The following SENP7 variants were observed in gnomAD, a reference collection of about 807,000 sequenced individuals.
SENP7 encodes SUMO specific peptidase 7, also known as sentrin-specific protease 7.
Under a neutral mutation model 141.2 loss-of-function variants are expected in SENP7, and 64 were observed. The ratio of observed to expected loss-of-function variants is 0.45; its 90% confidence interval spans 0.37 to 0.56. The LOEUF is 0.56. SENP7 is among the 20% of genes least tolerant of loss of function. SENP7 has a pLI of 0.00. For synonymous variants in SENP7, 382 were observed against 426.4 expected (o/e 0.90, Z 1.28); for missense variants, 1,025 against 1,212.2 (o/e 0.85, Z 2.29).
At chr3:101,412,681 TAC>T (rs2061489182) in intron 5 of SENP7, among the ~76,000 whole-genome samples, 1 of 152,080 alleles carries the variant, frequency 6.6e-6, no homozygotes, top group East Asian at 1.9e-4. Flanking sequence ...CGATCTCTGG[TAC>T]AAACTGATGA....
In SENP7 at chr3:101,329,019, T is replaced by C. The variant is rs1415388493; in HGVS notation, c.2752-330A>G. Among the ~76,000 whole-genome samples the C allele has an allele frequency of 2.0e-5, 3 of 152,190 alleles. No individual in the cohort carries two copies. The East Asian group carries it at 5.8e-4, about 29-fold the overall frequency. ...ACGTGTCTTTACATACATTCTCCAA[T>C]TTATGATGTCAGTAGAGACACATTT... On this transcript the variant is annotated intron_variant, in intron 20 of 23. Transcript: ENST00000394095.
At chr3:101,479,486 G>C (rs1270798206) in intron 3 of SENP7, among the ~76,000 whole-genome samples, 1 of 151,974 alleles carries the variant, frequency 6.6e-6, no homozygotes, top group Non-Finnish European at 1.5e-5. Context: ...CGTGCCTGTA[G>C]TCCCAGCTAC....
chr3:101,365,358 G>A (rs550783075), intron 9 of SENP7, among the ~76,000 whole-genome samples: 112 of 151,594 alleles, frequency 7.4e-4, no homozygotes, highest in African/African-American at 2.3e-3. Context: ...ACTTTTGGCC[G>A]GGAGCAGTGG....
chr3:101,370,772 C>G (rs1260258431), intron 7 of SENP7, among the ~76,000 whole-genome samples: 1 of 152,060 alleles, frequency 6.6e-6, no homozygotes, highest in Non-Finnish European at 1.5e-5. Flanking sequence ...CTTGTCTGAA[C>G]AAAGTCACAG....
intron 3 of SENP7, among the ~76,000 whole-genome samples, chr3:101,473,520 G>A (rs1452343274): frequency 6.6e-6 from 1 of 152,202 alleles, no homozygotes; most frequent in Non-Finnish European, 1.5e-5. Flanking sequence ...ATTGTTGGCT[G>A]CATGTACGTC....
At chr3:101,361,219 CA>C (rs34712828) in intron 11 of SENP7, among the ~76,000 whole-genome samples, 98 of 145,628 alleles carry the variant, frequency 6.7e-4, no homozygotes, top group Non-Finnish European at 7.1e-4. Context: ...TCCGCCCCCC[CA>C]AAAAAAAAAA....
At chr3:101,454,370 A>G (rs2063271199) in intron 4 of SENP7, among the ~76,000 whole-genome samples, 1 of 151,970 alleles carries the variant, frequency 6.6e-6, no homozygotes, top group Non-Finnish European at 1.5e-5. Context: ...TAATTGGCCA[A>G]GCATGGTGGT....
chr3:101,386,589 C>A (rs139345729), intron 6 of SENP7, among the ~76,000 whole-genome samples: 1 of 152,302 alleles, frequency 6.6e-6, no homozygotes, highest in East Asian at 1.9e-4. Context: ...CCAAATCCAC[C>A]TAGAAGGCTG....
At chr3:101,420,684 C>A (rs1291484512) in intron 4 of SENP7, among the ~76,000 whole-genome samples, 2 of 152,126 alleles carry the variant, frequency 1.3e-5, no homozygotes, top group Non-Finnish European at 2.9e-5. Context: ...AATTATGTTA[C>A]CCCCTGATAT....
chr3:101,411,193 T>G (rs2107630062), intron 5 of SENP7, among the ~76,000 whole-genome samples: 1 of 152,360 alleles, frequency 6.6e-6, no homozygotes, highest in African/African-American at 2.4e-5. Context: ...TGGAAAGCAG[T>G]TAGCATAATT....
intron 13 of SENP7, among the ~76,000 whole-genome samples, chr3:101,344,722 A>G (rs2059410487): frequency 6.6e-6 from 1 of 152,164 alleles, no homozygotes; most frequent in African/African-American, 2.4e-5. Context: ...TTAAAGGAAT[A>G]ATATATAAGT....
At chr3:101,480,595 T>G (rs2064428140) in intron 3 of SENP7, among the ~76,000 whole-genome samples, 1 of 152,036 alleles carries the variant, frequency 6.6e-6, no homozygotes, top group Non-Finnish European at 1.5e-5. Context: ...AGGACATCGG[T>G]CTAGGCAAAG....
chr3:101,357,334 T>G, intron 11 of SENP7: 1 of 671,610 alleles, frequency 1.5e-6, no homozygotes, highest in Non-Finnish European at 2.8e-6. Flanking sequence ...GGAATTTATA[T>G]AAGGATGTGA....
intron 4 of SENP7, among the ~76,000 whole-genome samples, chr3:101,453,281 G>T (rs996035208): frequency 5.9e-5 from 9 of 152,198 alleles, no homozygotes; most frequent in South Asian, 2.1e-4. Flanking sequence ...CTGTAAACTA[G>T]TTCAACCATT....
intron 4 of SENP7, among the ~76,000 whole-genome samples, chr3:101,456,471 CATT>C (rs1396523368): frequency 6.6e-6 from 1 of 152,052 alleles, no homozygotes; most frequent in Non-Finnish European, 1.5e-5. Flanking sequence ...CTAACAATAT[CATT>C]AAGTGTATAT....
At chr3:101,473,363 C>T (rs1367379221) in intron 3 of SENP7, among the ~76,000 whole-genome samples, 1 of 152,108 alleles carries the variant, frequency 6.6e-6, no homozygotes, top group Non-Finnish European at 1.5e-5. Context: ...ACTTTATAAC[C>T]ATTCCTTTTT....
chr3:101,508,376 C>T lies in SENP7; in HGVS notation c.40+4715G>A, dbSNP rs1280082888. ...CTTTGGGAGGCCGAGGCAGGCAGAT[C>T]ACGAGGTCAGGAGATCAAGACCATC... On this transcript the variant is annotated intron_variant, in intron 1 of 23. Transcript: ENST00000394095. Among the ~76,000 whole-genome samples the T allele has an allele frequency of 8.5e-5, 13 of 152,202 alleles. No homozygotes were observed. The East Asian group carries it at 2.5e-3, about 30-fold the overall frequency.
intron 3 of SENP7, among the ~76,000 whole-genome samples, chr3:101,472,121 T>C (rs1329780703): frequency 6.6e-6 from 1 of 152,160 alleles, no homozygotes; most frequent in Non-Finnish European, 1.5e-5. Flanking sequence ...AGACCTGGAA[T>C]TACCATTTGA....
At chr3:101,506,488 T>C (rs1158305730) in intron 1 of SENP7, among the ~76,000 whole-genome samples, 1 of 152,188 alleles carries the variant, frequency 6.6e-6, no homozygotes, top group African/African-American at 2.4e-5. Context: ...AACGTTACCA[T>C]AGTGATCCAT....
Sources: gnomAD v4.1 joint callset for allele counts (sites outside exome capture counted in the v4.1 genomes callset) on GRCh38, gnomAD v4.1.1 for gene constraint, MANE v1.5 for transcripts, NCBI Gene and HGNC (gene_info 2026-07-23, HGNC 2026-07-21) for gene names.